SRD5A1: variants seen among roughly 807,000 people sequenced by gnomAD.
SRD5A1 encodes steroid 5 alpha-reductase 1.
SRD5A1 carries 22 observed loss-of-function variants against 28.2 expected under a neutral mutation model. That is an observed-to-expected ratio of 0.78 (90% CI 0.56 to 1.12). The LOEUF (loss-of-function observed/expected upper bound fraction) is 1.12. SRD5A1 is among the 50% of genes most tolerant of loss of function. The probability of loss-of-function intolerance (pLI) is 0.00; values close to 1 mark genes in which losing one functional copy is unlikely to be tolerated. For synonymous variants in SRD5A1, 151 were observed against 135.0 expected (o/e 1.12, Z -0.82); for missense variants, 300 against 346.7 (o/e 0.87, Z 1.07).
chr5:6,648,302 T>C (rs1738567773), intron 1 of SRD5A1, among the ~76,000 whole-genome samples: 1 of 152,200 alleles, frequency 6.6e-6, no homozygotes, highest in African/African-American at 2.4e-5. Context: ...TTCTCTGTAT[T>C]TCCTGAATTT....
rs1397070046 is a variant in SRD5A1 at position 6,633,616 on chromosome 5, G to T, written c.40G>T (p.Ala14Ser). The change falls in exon 1 of 5, where the codon GCC becomes TCC. Residue 14 changes from alanine to serine, a missense_variant. This residue lies in a region of SRD5A1 where 174 missense variants were observed against 160.9 expected (regional missense o/e 1.08). Coordinates refer to ENST00000274192, the MANE Select transcript of SRD5A1 (RefSeq NM_001047.4). ...GGGGGTGGCGGAGGAGCGCCTGCTG[G>T]CCGCGCTCGCCTACCTGCAGTGCGC... ...ATGVAEERLLAALAYLQCAVG... is the reference protein window; with the variant it reads ...ATGVAEERLLSALAYLQCAVG... The T allele has an allele frequency of 6.5e-7, 1 of 1,529,696 alleles. No homozygotes were observed. The highest frequency in any genetic ancestry group is 8.7e-7 in the Non-Finnish European group (1 of 1,146,146). 94.8% of individuals were successfully genotyped at this position (1,529,696 alleles called of 1,614,324 possible).
intron 4 of SRD5A1, among the ~76,000 whole-genome samples, chr5:6,664,812 C>T: frequency 6.6e-6 from 1 of 152,252 alleles, no homozygotes; most frequent in Non-Finnish European, 1.5e-5. Flanking sequence ...TATTTTCACG[C>T]ATAGACAGTG....
chr5:6,642,694 T>A (rs886233676), intron 1 of SRD5A1, among the ~76,000 whole-genome samples: 7 of 152,232 alleles, frequency 4.6e-5, no homozygotes, highest in Admixed American at 1.3e-4. Flanking sequence ...TATTATCAAG[T>A]CTGCAGTAAA....
At chr5:6,659,528 C>G (rs992121334) in intron 3 of SRD5A1, among the ~76,000 whole-genome samples, 1 of 152,134 alleles carries the variant, frequency 6.6e-6, no homozygotes, top group African/African-American at 2.4e-5. Flanking sequence ...AGCATTGGAA[C>G]AGAATATATT....
In SRD5A1 at chr5:6,656,100, C is replaced by T; in HGVS notation, c.483C>T (p.Gly161=). The T allele has an allele frequency of 6.2e-7, 1 of 1,613,856 alleles. No individual in the cohort carries two copies. The highest frequency in any genetic ancestry group is 8.5e-7 in the Non-Finnish European group (1 of 1,179,886). The part of the protein sequence containing the change: ...FLIGFGLWLT[G]MLINIHSDHI... ...TAGGTTTTGGCTTGTGGTTAACGGG[C>T]ATGTTGATAAACATCCATTCAGATC... is the stretch of plus-strand genomic sequence containing the variant. The change falls in exon 3 of 5, where the codon GGC becomes GGT. Residue 161 remains glycine, a synonymous_variant. Transcript: ENST00000274192.
At chr5:6,635,407 C>T (rs1429171714) in intron 1 of SRD5A1, among the ~76,000 whole-genome samples, 1 of 152,086 alleles carries the variant, frequency 6.6e-6, no homozygotes, top group African/African-American at 2.4e-5. Context: ...ATACCAGAAG[C>T]TGTATGTCTG....
chr5:6,662,788 C>G lies in SRD5A1; in HGVS notation c.563-28C>G, dbSNP rs758013123. 3 of 1,601,684 alleles carry G rather than the reference C, an allele frequency of 1.9e-6. 1 individual carries two copies. The South Asian group carries it at 3.3e-5, about 18-fold the overall frequency. On this transcript the variant is annotated intron_variant, in intron 3 of 4. Coordinates refer to ENST00000274192, the MANE Select transcript of SRD5A1 (RefSeq NM_001047.4). ...TCCGTATTTCATTTTGTAGTAAATG[C>G]ACTACTTTGGTCTGTGTTTTCTTCT... is the stretch of plus-strand genomic sequence containing the variant.
At position 6,633,720 on chromosome 5, in the gene SRD5A1, C is replaced by T. The variant is rs750198281; in HGVS notation, c.144C>T (p.Leu48=). ...GCCACGCGCTGCCCAGCCACAGGCT[C>T]CGAGTGCCGGCGCGGGCCGCCTGGG... is the stretch of plus-strand genomic sequence containing the variant. The part of the protein sequence containing the change: ...YGRHALPSHR[L]RVPARAAWVV... The change falls in exon 1 of 5, where the codon CTC becomes CTT. Residue 48 remains leucine, a synonymous_variant. Transcript: ENST00000274192. 9.2e-5 allele frequency: 146 copies of T among 1,594,092 alleles called. No homozygotes were observed. Among genetic ancestry groups the T allele is most frequent in the Non-Finnish European group, 1.2e-4 (136 of 1,177,802 alleles).
In SRD5A1 at chr5:6,671,688, AG is replaced by A. The variant is rs565539742; in HGVS notation, c.*3427del. On this transcript the variant is annotated 3_prime_UTR_variant, in exon 5 of 5. Coordinates refer to ENST00000274192, the MANE Select transcript of SRD5A1 (RefSeq NM_001047.4). ...CTTTGGGGACTTGGGGGGAAGGGTA[AG>A]GGGGGGTGAGGAATAAAAGACAACA... 34 of 140,874 alleles carry A rather than the reference AG, an allele frequency of 2.4e-4. No homozygotes were observed. Among genetic ancestry groups the A allele is most frequent in the Admixed American group, 4.3e-4 (6 of 14,098 alleles). The allele number at this position is 140,874 out of a possible 1,614,324, so 8.7% of individuals were successfully genotyped here. A position where few individuals can be genotyped will look rare whatever the true frequency, so the allele number is the denominator to read the frequency against.
At position 6,633,615 on chromosome 5, in the gene SRD5A1, G is replaced by A; in HGVS notation, c.39G>A (p.Leu13=). 4 of 1,529,416 alleles carry A rather than the reference G, an allele frequency of 2.6e-6. No individual in the cohort carries two copies. Among genetic ancestry groups the A allele is most frequent in the South Asian group, 1.2e-5 (1 of 83,478 alleles). The allele number at this position is 1,529,416 out of a possible 1,614,324, so 94.7% of individuals were successfully genotyped here. A position where few individuals can be genotyped will look rare whatever the true frequency, so the allele number is the denominator to read the frequency against. ...TATGVAEERL[L]AALAYLQCAV... ...CGGGGGTGGCGGAGGAGCGCCTGCT[G>A]GCCGCGCTCGCCTACCTGCAGTGCG... is the stretch of plus-strand genomic sequence containing the variant. Residue 13 remains leucine, a synonymous_variant, in exon 1 of 5, where the codon CTG becomes CTA. Transcript: ENST00000274192.
chr5:6,638,540 T>C (rs1738269017), intron 1 of SRD5A1, among the ~76,000 whole-genome samples: 1 of 152,246 alleles, frequency 6.6e-6, no homozygotes, highest in Admixed American at 6.5e-5. Flanking sequence ...TGGCAGTTTC[T>C]GATTGCTTTA....
rs981090066 is a variant in SRD5A1 at position 6,673,772 on chromosome 5, A to G, written c.*5504A>G. On this transcript the variant is annotated 3_prime_UTR_variant, in exon 5 of 5. Coordinates refer to ENST00000274192, the MANE Select transcript of SRD5A1 (RefSeq NM_001047.4). ...ATTCATACAATAGAATACTAGTGTC[A>G]GAGATTTTTTTTTAACAAAGAGCTA... is the stretch of plus-strand genomic sequence containing the variant. 2.1e-4 allele frequency: 32 copies of G among 152,244 alleles called. 1 individual carries two copies. The highest frequency in any genetic ancestry group is 7.0e-4 in the African/African-American group (29 of 41,466). The allele number at this position is 152,244 out of a possible 1,614,324, so 9.4% of individuals were successfully genotyped here.
intron 1 of SRD5A1, among the ~76,000 whole-genome samples, chr5:6,649,138 C>A (rs950751036): frequency 6.6e-6 from 1 of 152,150 alleles, no homozygotes; most frequent in African/African-American, 2.4e-5. Flanking sequence ...AGCCAGAGCT[C>A]TCCAGTATGA....
Position 6,647,537 on chromosome 5 carries a change from G to A in SRD5A1, c.294-4305G>A, listed in dbSNP as rs937026447. On this transcript the variant is annotated intron_variant, in intron 1 of 4. Coordinates refer to ENST00000274192, the MANE Select transcript of SRD5A1 (RefSeq NM_001047.4). ...TCTCTTTACCATTATGCCCTTCTTC[G>A]TCTCTTTTGACCTTTTTGGTTTAAA... Among the ~76,000 whole-genome samples, 26 of 152,084 alleles carry A rather than the reference G, an allele frequency of 1.7e-4. No individual in the cohort carries two copies. The Middle Eastern group carries it at 0.01, about 60-fold the overall frequency.
chr5:6,651,400 A>G (rs1738668285), intron 1 of SRD5A1, among the ~76,000 whole-genome samples: 1 of 152,220 alleles, frequency 6.6e-6, no homozygotes, highest in Non-Finnish European at 1.5e-5. Context: ...GCTCACGCCT[A>G]TAATCCCAAC....
chr5:6,666,555 G>A (rs2126555490), intron 4 of SRD5A1, among the ~76,000 whole-genome samples: 1 of 152,148 alleles, frequency 6.6e-6, no homozygotes, highest in South Asian at 2.1e-4. Context: ...TTGATTTCTA[G>A]GTCAGAAACA....
Position 6,633,648 on chromosome 5 carries a change from C to A in SRD5A1, c.72C>A (p.Gly24=), listed in dbSNP as rs1428123033. 1 of 1,565,140 alleles carries A rather than the reference C, an allele frequency of 6.4e-7. No individual in the cohort carries two copies. The highest frequency in any genetic ancestry group is 8.6e-7 in the Non-Finnish European group (1 of 1,162,804). Residue 24 remains glycine, a synonymous_variant, in exon 1 of 5, where the codon GGC becomes GGA. Transcript: ENST00000274192. ...TCGCCTACCTGCAGTGCGCCGTGGG[C>A]TGCGCGGTCTTCGCGCGCAATCGTC... ...AALAYLQCAV[G]CAVFARNRQT...
At chr5:6,641,631 G>A (rs184047904) in intron 1 of SRD5A1, among the ~76,000 whole-genome samples, 2 of 152,236 alleles carry the variant, frequency 1.3e-5, no homozygotes, top group Non-Finnish European at 2.9e-5. Flanking sequence ...TCCAGGGCAG[G>A]AATCAGAGAA....
chr5:6,656,468 C>G (rs1023259561), intron 3 of SRD5A1, among the ~76,000 whole-genome samples: 2 of 152,186 alleles, frequency 1.3e-5, no homozygotes, highest in East Asian at 3.8e-4. Flanking sequence ...GTGTCTGACA[C>G]TTTTGTTTCT....
Sources: gnomAD v4.1 joint callset for allele counts (sites outside exome capture counted in the v4.1 genomes callset) on GRCh38, gnomAD v4.1.1 for gene constraint, gnomAD v4.1.1 regional missense constraint, MANE v1.5 for transcripts, NCBI Gene and HGNC (gene_info 2026-07-23, HGNC 2026-07-21) for gene names.